DSTN: variants seen among roughly 807,000 people sequenced by gnomAD.
DSTN encodes destrin, actin depolymerizing factor.
Under a neutral mutation model 16.8 loss-of-function variants are expected in DSTN, and 10 were observed. The ratio of observed to expected loss-of-function variants is 0.60; its 90% CI spans 0.37 to 1.01. DSTN has a LOEUF of 1.01. DSTN is among the 50% of genes least tolerant of loss of function. The probability of loss-of-function intolerance (pLI) is 0.01; values close to 1 mark genes in which losing one functional copy is unlikely to be tolerated. For synonymous variants in DSTN, 57 were observed against 58.9 expected, an observed-to-expected ratio of 0.97 and a Z score of 0.14; for missense variants, 141 against 196.7, an observed-to-expected ratio of 0.72 and a Z score of 1.69.
chr20:17,570,178 C>T lies in DSTN; in HGVS notation c.-31C>T, dbSNP rs376078698. 155 of 1,518,654 alleles carry T rather than the reference C, an allele frequency of 1.0e-4. No individual in the cohort carries two copies. The South Asian group carries it at 1.6e-3, about 15-fold the overall frequency. The allele number at this position is 1,518,654 out of a possible 1,614,324, so 94.1% of individuals were successfully genotyped here. ...CATACTCGCTGCCCGCCGGCTCCCT[C>T]CCCCGCGTCCCTGCGACCGCCGCGG... On this transcript the variant is annotated 5_prime_UTR_variant, in exon 1 of 4. Transcript: ENST00000246069.
At chr20:17,605,071 TG>T (rs1439918447) in intron 3 of DSTN, 1 of 456,568 alleles carries the variant, frequency 2.2e-6, no homozygotes, top group African/African-American at 2.0e-5. Flanking sequence ...TACTGTTGAA[TG>T]GCATGATTTT....
intron 1 of DSTN, among the ~76,000 whole-genome samples, chr20:17,577,686 T>C (rs1409772479): frequency 6.6e-6 from 1 of 152,192 alleles, no homozygotes; most frequent in African/African-American, 2.4e-5. Flanking sequence ...TCTAGTAATA[T>C]TTTAATATAC....
In DSTN at chr20:17,607,880, A is replaced by T. The variant is rs2035659083; in HGVS notation, c.*734A>T. ...TAATGCAAATTAGGGCTACATTGTAATCTGCTTTGTTAATGAAAATGATAA... is the reference window on the plus strand; with the variant it reads ...TAATGCAAATTAGGGCTACATTGTATTCTGCTTTGTTAATGAAAATGATAA... On this transcript the variant is annotated 3_prime_UTR_variant, in exon 4 of 4. Transcript: ENST00000246069. 6.6e-6 allele frequency: 1 copy of T among 152,232 alleles called. No individual in the cohort carries two copies. The highest frequency in any genetic ancestry group is 6.5e-5 in the Admixed American group (1 of 15,294). 9.4% of individuals were successfully genotyped at this position (152,232 alleles called of 1,614,324 possible). A position where few individuals can be genotyped will look rare whatever the true frequency, so the allele number is the denominator to read the frequency against.
intron 1 of DSTN, among the ~76,000 whole-genome samples, chr20:17,573,960 G>C (rs1470705989): frequency 6.6e-6 from 1 of 151,216 alleles, no homozygotes; most frequent in Non-Finnish European, 1.5e-5. Flanking sequence ...AGCACGTTGG[G>C]AGGTTGAGGC....
chr20:17,600,545 C>A (rs2035575123), intron 1 of DSTN, among the ~76,000 whole-genome samples, 193 bp from the exon 2 acceptor site: 1 of 152,096 alleles, frequency 6.6e-6, no homozygotes, highest in African/African-American at 2.4e-5. Context: ...TGAGGAATGG[C>A]ATATATTTGT....
At chr20:17,589,260 G>C (rs975331798) in intron 1 of DSTN, among the ~76,000 whole-genome samples, 2 of 151,802 alleles carry the variant, frequency 1.3e-5, no homozygotes, top group Non-Finnish European at 2.9e-5. Flanking sequence ...GCCCAGGCTG[G>C]AGTGCAGTGG....
intron 1 of DSTN, among the ~76,000 whole-genome samples, chr20:17,585,607 A>G (rs2035396742): frequency 6.6e-6 from 1 of 152,124 alleles, no homozygotes; most frequent in African/African-American, 2.4e-5. Context: ...TTCTGCTGTA[A>G]GTTCTGGAAG....
intron 1 of DSTN, among the ~76,000 whole-genome samples, chr20:17,586,081 G>A (rs1339266404): frequency 6.6e-6 from 1 of 152,132 alleles, no homozygotes; most frequent in Non-Finnish European, 1.5e-5. Flanking sequence ...TCCCTGGAGA[G>A]ATATATTTTA....
chr20:17,583,731 GTTTC>G (rs1397564591), intron 1 of DSTN, among the ~76,000 whole-genome samples: 1 of 28,026 alleles, frequency 3.6e-5, no homozygotes, highest in Non-Finnish European at 8.6e-5. Flanking sequence ...TGGGTTTGGA[GTTTC>G]TTTTTTTTTT....
chr20:17,570,495 C>G (rs1363272693), intron 1 of DSTN, among the ~76,000 whole-genome samples: 2 of 152,188 alleles, frequency 1.3e-5, no homozygotes, highest in South Asian at 4.1e-4. Flanking sequence ...GTCTCCAGAC[C>G]CGGCCTTGCA....
intron 1 of DSTN, among the ~76,000 whole-genome samples, chr20:17,592,591 TTTA>T (rs141835368): frequency 0.39 from 58,547 of 151,760 alleles, 12,137 homozygotes; most frequent in East Asian, 0.64. Context: ...TTGTGGGTTT[TTTA>T]TTATTTTTGC....
At chr20:17,596,377 C>G (rs563121465) in intron 1 of DSTN, among the ~76,000 whole-genome samples, 59 of 152,244 alleles carry the variant, frequency 3.9e-4, no homozygotes, top group African/African-American at 1.4e-3. Flanking sequence ...CTGCCACTGT[C>G]TGGTCATCTC....
intron 1 of DSTN, among the ~76,000 whole-genome samples, chr20:17,577,786 G>A (rs558382860): frequency 1.5e-4 from 23 of 152,044 alleles, no homozygotes; most frequent in Non-Finnish European, 2.8e-4. Flanking sequence ...CTGAAAGCAC[G>A]TGTCAATTCA....
At chr20:17,600,277 C>CT (rs564268453) in intron 1 of DSTN, among the ~76,000 whole-genome samples, 26 of 151,512 alleles carry the variant, frequency 1.7e-4, no homozygotes, top group South Asian at 4.2e-4. Context: ...CTTAATAAAT[C>CT]TTTTTTTTTA....
At chr20:17,578,693 G>T (rs2035308099) in intron 1 of DSTN, among the ~76,000 whole-genome samples, 1 of 152,178 alleles carries the variant, frequency 6.6e-6, no homozygotes, top group African/African-American at 2.4e-5. Context: ...GGGCGTGGTG[G>T]CTCACGCCTG....
intron 1 of DSTN, among the ~76,000 whole-genome samples, chr20:17,587,904 A>G (rs2035428603): frequency 6.6e-6 from 1 of 152,220 alleles, no homozygotes; most frequent in Non-Finnish European, 1.5e-5. Flanking sequence ...TTAGCCACAC[A>G]TCAAGTATTC....
chr20:17,608,848 G>A lies in DSTN; in HGVS notation c.*1702G>A, dbSNP rs1010773661. ...CAGCTGTGCATTATTACATGTCAAA[G>A]ACTGCATATACTATGGTGGTCCCAT... is the stretch of plus-strand genomic sequence containing the variant. On this transcript the variant is annotated 3_prime_UTR_variant, in exon 4 of 4. Coordinates refer to ENST00000246069, the MANE Select transcript of DSTN (RefSeq NM_006870.4). 10 of 152,168 alleles carry A rather than the reference G, an allele frequency of 6.6e-5. No individual in the cohort carries two copies. In the East Asian group the frequency reaches 1.7e-3, roughly 26 times the overall value. The allele number at this position is 152,168 out of a possible 1,614,324, so 9.4% of individuals were successfully genotyped here.
intron 1 of DSTN, among the ~76,000 whole-genome samples, chr20:17,594,307 T>C (rs374460886): frequency 6.6e-6 from 1 of 151,972 alleles, no homozygotes; most frequent in African/African-American, 2.4e-5. Context: ...ACAGTAAAGA[T>C]TTGTCTCTGT....
At chr20:17,600,437 A>G (rs1230826228) in intron 1 of DSTN, among the ~76,000 whole-genome samples, 2 of 152,206 alleles carry the variant, frequency 1.3e-5, no homozygotes, top group African/African-American at 4.8e-5. Flanking sequence ...AACCTGTATA[A>G]GAAGAAAATA....
Sources: gnomAD v4.1 joint callset for allele counts (sites outside exome capture counted in the v4.1 genomes callset) on GRCh38, gnomAD v4.1.1 for gene constraint, MANE v1.5 for transcripts, NCBI Gene and HGNC (gene_info 2026-07-23, HGNC 2026-07-21) for gene names.